Variants in PELI2 observed in about 807,000 individuals in gnomAD.
PELI2 encodes E3 ubiquitin-protein ligase pellino homolog 2.
Under a neutral mutation model 42.3 loss-of-function variants are expected in PELI2, and 23 were observed. The observed-to-expected ratio is 0.54, with a 90% CI of 0.39 to 0.77. The LOEUF is 0.77. Among genes scored for constraint, PELI2 ranks in the 30% least tolerant of loss-of-function variants. The probability of loss-of-function intolerance (pLI) is 0.00; values close to 1 mark genes in which losing one functional copy is unlikely to be tolerated. For synonymous variants in PELI2, 245 were observed against 212.2 expected, an observed-to-expected ratio of 1.15 and a Z score of -1.34; for missense variants, 463 against 553.2, an observed-to-expected ratio of 0.84 and a Z score of 1.64.
chr14:56,168,502 A>G (rs1361909343), intron 1 of PELI2, among the ~76,000 whole-genome samples: 2 of 151,966 alleles, frequency 1.3e-5, no homozygotes, highest in Admixed American at 1.3e-4. Context: ...ATGTTCCCTT[A>G]CGGCCTAGAG....
chr14:56,195,945 C>G (rs1886117466), intron 2 of PELI2, among the ~76,000 whole-genome samples: 1 of 152,220 alleles, frequency 6.6e-6, no homozygotes, highest in Admixed American at 6.5e-5. Context: ...GTATTCCCAG[C>G]TGGCAGGATG....
chr14:56,185,298 G>A (rs1379991657), intron 2 of PELI2, among the ~76,000 whole-genome samples: 2 of 152,166 alleles, frequency 1.3e-5, no homozygotes, highest in African/African-American at 4.8e-5. Context: ...TGGTAATTCT[G>A]TCGTTGCAAA....
At chr14:56,237,063 C>G (rs971890185) in intron 2 of PELI2, among the ~76,000 whole-genome samples, 2 of 152,136 alleles carry the variant, frequency 1.3e-5, no homozygotes, top group African/African-American at 2.4e-5. Flanking sequence ...AATTCTGTCC[C>G]CCTTTAGCAA....
chr14:56,250,935 A>T (rs1407240974), intron 2 of PELI2, among the ~76,000 whole-genome samples: 4 of 152,228 alleles, frequency 2.6e-5, no homozygotes, highest in Non-Finnish European at 5.9e-5. Context: ...GAAGCAAGTG[A>T]GAGCAAGGGA....
In PELI2 at chr14:56,297,050, C is replaced by T; in HGVS notation, c.1147C>T (p.Gln383Ter). The T allele has an allele frequency of 6.2e-7, 1 of 1,613,670 alleles. No individual in the cohort carries two copies. Among genetic ancestry groups the T allele is most frequent in the Non-Finnish European group, 8.5e-7 (1 of 1,179,970 alleles). ...CSEKSAKYWS[Q>*]IPLPHGTHAF... ...GGAGAAGTCTGCAAAATACTGGTCT[C>T]AGATCCCGTTGCCTCATGGAACTCA... The change falls in exon 6 of 6, where the codon CAG becomes TAG. Residue 383 changes from glutamine to a stop codon, truncating the protein, a stop_gained. Transcript: ENST00000267460. LOFTEE classifies it high-confidence loss of function.
chr14:56,199,119 CA>C (rs2139702911), intron 2 of PELI2, among the ~76,000 whole-genome samples: 1 of 152,278 alleles, frequency 6.6e-6, no homozygotes, highest in East Asian at 1.9e-4. Context: ...CTTCCTCCTA[CA>C]AGAATTCTGT....
chr14:56,128,404 A>G (rs560255885), intron 1 of PELI2, among the ~76,000 whole-genome samples: 25 of 152,290 alleles, frequency 1.6e-4, no homozygotes, highest in African/African-American at 3.4e-4. Context: ...TATCTGGGCA[A>G]TGAGGCTCCA....
intron 4 of PELI2, among the ~76,000 whole-genome samples, chr14:56,289,257 G>C (rs548092382): frequency 2.8e-4 from 42 of 152,278 alleles, no homozygotes; most frequent in African/African-American, 9.4e-4. Flanking sequence ...CCAGCTCCAG[G>C]GTTGGTGGTT....
At position 56,207,209 on chromosome 14, in the gene PELI2, G is replaced by A. The variant is rs149902252; in HGVS notation, c.207+28745G>A. ...CTTTGTACATTGACCACAAAGCTGG[G>A]AGAGAAAAAAAATAACTGAATAATC... On this transcript the variant is annotated intron_variant, in intron 2 of 5. Transcript: ENST00000267460. Among the ~76,000 whole-genome samples the A allele has an allele frequency of 1.8e-3, 279 of 152,026 alleles. 1 individual carries two copies. Among genetic ancestry groups the A allele is most frequent in the African/African-American group, 6.4e-3 (267 of 41,484 alleles).
At chr14:56,164,772 G>T (rs1004581413) in intron 1 of PELI2, among the ~76,000 whole-genome samples, 1 of 151,992 alleles carries the variant, frequency 6.6e-6, no homozygotes, top group Admixed American at 6.6e-5. Context: ...TGTAAGTTGT[G>T]TGTATCTAGG....
chr14:56,234,306 G>A (rs1887700961), intron 2 of PELI2, among the ~76,000 whole-genome samples: 1 of 152,220 alleles, frequency 6.6e-6, no homozygotes. Context: ...ACACACGTAT[G>A]TTTATTGTGG....
At chr14:56,235,657 T>G (rs1185183068) in intron 2 of PELI2, among the ~76,000 whole-genome samples, 1 of 152,276 alleles carries the variant, frequency 6.6e-6, no homozygotes, top group African/African-American at 2.4e-5. Flanking sequence ...CAAGCAATAC[T>G]TGTTTGTAGA....
intron 2 of PELI2, among the ~76,000 whole-genome samples, chr14:56,188,953 A>G (rs1885865226): frequency 6.6e-6 from 1 of 152,130 alleles, no homozygotes; most frequent in African/African-American, 2.4e-5. Context: ...TGAGGTCAGG[A>G]GTTCGAGACC....
chr14:56,229,617 T>C (rs1286664424), intron 2 of PELI2, among the ~76,000 whole-genome samples: 2 of 151,960 alleles, frequency 1.3e-5, no homozygotes, highest in African/African-American at 4.8e-5. Flanking sequence ...AGACCAAAGG[T>C]AGATAAAACC....
In PELI2 at chr14:56,268,552, T is replaced by A. The variant is rs1888987878; in HGVS notation, c.208-11124T>A. ...TAATTTTTACTATAGCACTTGGCAT[T>A]TCACAAGAATGTTGCACCTTCATTT... On this transcript the variant is annotated intron_variant, in intron 2 of 5. Coordinates refer to ENST00000267460, the MANE Select transcript of PELI2 (RefSeq NM_021255.3). Among the ~76,000 whole-genome samples, 3 of 152,326 alleles carry A rather than the reference T, an allele frequency of 2.0e-5. 1 individual carries two copies. In the South Asian group the frequency reaches 6.2e-4, roughly 32 times the overall value.
At chr14:56,121,296 G>A (rs1322127434) in intron 1 of PELI2, among the ~76,000 whole-genome samples, 1 of 150,964 alleles carries the variant, frequency 6.6e-6, no homozygotes, top group African/African-American at 2.4e-5. Context: ...GAATGTCATA[G>A]TGAAACATTA....
At chr14:56,147,426 A>G (rs1235827901) in intron 1 of PELI2, among the ~76,000 whole-genome samples, 1 of 152,188 alleles carries the variant, frequency 6.6e-6, no homozygotes, top group Non-Finnish European at 1.5e-5. Context: ...GAACAGCAGC[A>G]CATGTACATG....
At chr14:56,144,707 A>G (rs1884047140) in intron 1 of PELI2, among the ~76,000 whole-genome samples, 1 of 152,216 alleles carries the variant, frequency 6.6e-6, no homozygotes, top group African/African-American at 2.4e-5. Flanking sequence ...AAAATTTTGT[A>G]AAGATGATTA....
intron 2 of PELI2, among the ~76,000 whole-genome samples, chr14:56,218,659 GA>G (rs1237748209): frequency 6.6e-6 from 1 of 152,244 alleles, no homozygotes; most frequent in East Asian, 1.9e-4. Context: ...AATGCCTTAA[GA>G]AAAATCAGAT....
Sources: allele counts gnomAD v4.1 joint callset (sites outside exome capture counted in the v4.1 genomes callset), GRCh38; gene constraint gnomAD v4.1.1; transcripts MANE v1.5; gene names NCBI Gene and HGNC (gene_info 2026-07-23, HGNC 2026-07-21).